The following ISM1 variants were observed in gnomAD, a reference collection of about 807,000 sequenced individuals.
The protein encoded by ISM1 is isthmin 1.
In ISM1, 25 loss-of-function variants were observed where a neutral mutation model predicts 46.3. The observed-to-expected ratio is 0.54, with a 90% CI of 0.39 to 0.75. The LOEUF (loss-of-function observed/expected upper bound fraction) is 0.75. ISM1 is among the 30% of genes least tolerant of loss of function. The pLI, the probability that ISM1 is intolerant of heterozygous loss-of-function variation, is 0.00. For synonymous variants in ISM1, 255 were observed against 256.7 expected (o/e 0.99, Z 0.06); for missense variants, 536 against 625.4 (o/e 0.86, Z 1.52).
chr20:13,280,012 G>A (rs1462356785), intron 3 of ISM1, 114 bp downstream of exon 3: 2 of 1,011,530 alleles, frequency 2.0e-6, no homozygotes, highest in Non-Finnish European at 2.8e-6. Flanking sequence ...GGTCTTCTGT[G>A]AGGCAAACCT....
chr20:13,255,905 T>C (rs1050339407), intron 1 of ISM1, among the ~76,000 whole-genome samples: 4 of 145,634 alleles, frequency 2.7e-5, no homozygotes, highest in African/African-American at 1.0e-4. Context: ...ATTCAGAGGA[T>C]ATTTAGTAAA....
intron 1 of ISM1, among the ~76,000 whole-genome samples, chr20:13,223,663 C>T (rs1374091938): frequency 6.6e-6 from 1 of 152,170 alleles, no homozygotes; most frequent in Non-Finnish European, 1.5e-5. Flanking sequence ...TGTGGGTTCT[C>T]TCACCTTCTC....
chr20:13,250,915 A>G (rs989193815), intron 1 of ISM1, among the ~76,000 whole-genome samples: 1 of 152,060 alleles, frequency 6.6e-6, no homozygotes, highest in Admixed American at 6.6e-5. Context: ...GCCCCCATCT[A>G]TTTTACCCTC....
At chr20:13,317,329 T>C in the ISM1 span, among the ~76,000 whole-genome samples, 3 of 151,974 alleles carry the variant, frequency 2.0e-5, no homozygotes, top group African/African-American at 7.2e-5. Flanking sequence ...ATACTCCATG[T>C]TAGGGAGGCT....
At chr20:13,223,498 A>C (rs2039476948) in intron 1 of ISM1, among the ~76,000 whole-genome samples, 1 of 152,242 alleles carries the variant, frequency 6.6e-6, no homozygotes, top group Non-Finnish European at 1.5e-5. Flanking sequence ...CAAAGTTCAG[A>C]CATTCCAAAC....
intron 5 of ISM1, among the ~76,000 whole-genome samples, chr20:13,295,746 A>G (rs1257508849): frequency 6.6e-6 from 1 of 152,208 alleles, no homozygotes; most frequent in Non-Finnish European, 1.5e-5. Context: ...GCTGACTGGG[A>G]ATCCCAGCAA....
At chr20:13,275,537 T>G (rs2040169327) in intron 2 of ISM1, among the ~76,000 whole-genome samples, 1 of 152,208 alleles carries the variant, frequency 6.6e-6, no homozygotes, top group African/African-American at 2.4e-5. Context: ...CACCATTTAG[T>G]CAGCCAGACT....
chr20:13,227,812 C>G (rs1214454687), intron 1 of ISM1, among the ~76,000 whole-genome samples: 1 of 151,656 alleles, frequency 6.6e-6, no homozygotes, highest in Non-Finnish European at 1.5e-5. Flanking sequence ...CCGGCCCCAA[C>G]TTTTTAATTT....
the ISM1 span, among the ~76,000 whole-genome samples, chr20:13,321,378 C>T: frequency 6.6e-6 from 1 of 151,284 alleles, no homozygotes; most frequent in African/African-American, 2.4e-5. Context: ...AAAATTCTTA[C>T]AGCTAGTGTG....
chr20:13,298,903 G>C, intron 5 of ISM1, 39 bp from the exon 6 acceptor site: 1 of 1,600,182 alleles, frequency 6.2e-7, no homozygotes, highest in South Asian at 1.1e-5. Flanking sequence ...TGGGCCGGTT[G>C]TACACGCGGT....
the ISM1 span, among the ~76,000 whole-genome samples, chr20:13,311,223 T>TAGATAGATAGATAGAC: frequency 9.0e-6 from 1 of 111,152 alleles, no homozygotes; most frequent in South Asian, 2.9e-4. Flanking sequence ...AGATGATAGA[T>TAGATAGATAGATAGAC]AGATAGATAG....
At chr20:13,225,144 C>G (rs571574905) in intron 1 of ISM1, among the ~76,000 whole-genome samples, 2 of 152,094 alleles carry the variant, frequency 1.3e-5, no homozygotes, top group South Asian at 4.2e-4. Flanking sequence ...TGAGCCACCG[C>G]GCCCGGCCCA....
At chr20:13,261,381 G>C (rs2039987552) in intron 1 of ISM1, among the ~76,000 whole-genome samples, 1 of 151,040 alleles carries the variant, frequency 6.6e-6, no homozygotes, top group Non-Finnish European at 1.5e-5. Context: ...TCGCGCCATT[G>C]CCCTTCAGCC....
chr20:13,303,212 G>A (rs1489027071), downstream of ISM1, among the ~76,000 whole-genome samples: 1 of 152,182 alleles, frequency 6.6e-6, no homozygotes, highest in Non-Finnish European at 1.5e-5. Flanking sequence ...TAAACCTAAC[G>A]CCTGTGCTCT....
At chr20:13,242,492 G>A (rs2039737911) in intron 1 of ISM1, among the ~76,000 whole-genome samples, 2 of 152,204 alleles carry the variant, frequency 1.3e-5, no homozygotes, top group Admixed American at 1.3e-4. Flanking sequence ...TGATTATCAT[G>A]GAGGAAAAGC....
At position 13,221,469 on chromosome 20, in the gene ISM1, C is replaced by T. The variant is rs1261871470; in HGVS notation, c.-308C>T. Among the ~76,000 whole-genome samples the T allele has an allele frequency of 1.4e-5, 2 of 145,550 alleles. No homozygotes were observed. Among genetic ancestry groups the T allele is most frequent in the African/African-American group, 2.5e-5 (1 of 40,318 alleles). ...TGTCCCGGGACCCAGTCTCCGTCTC[C>T]GCCGCCGCCGCCGCCAGGCAGCGCC... is the stretch of plus-strand genomic sequence containing the variant. On this transcript the variant is annotated 5_prime_UTR_variant, in exon 1 of 6. Transcript: ENST00000262487.
chr20:13,271,162 T>C (rs2040111107), intron 2 of ISM1, among the ~76,000 whole-genome samples: 1 of 152,256 alleles, frequency 6.6e-6, no homozygotes. Flanking sequence ...TTTTCAAATA[T>C]GAGTTCAAAG....
intron 1 of ISM1, among the ~76,000 whole-genome samples, chr20:13,258,744 G>T (rs571747919): frequency 1.9e-4 from 29 of 152,130 alleles, no homozygotes; most frequent in African/African-American, 6.7e-4. Context: ...AATTGTATCG[G>T]GGAAAAATGA....
intron 1 of ISM1, among the ~76,000 whole-genome samples, chr20:13,256,056 G>A (rs1304670430): frequency 2.6e-5 from 4 of 152,084 alleles, no homozygotes; most frequent in East Asian, 1.9e-4. Context: ...CTGGGAGTTC[G>A]AAACCCTGTG....
Sources: allele counts gnomAD v4.1 joint callset (sites outside exome capture counted in the v4.1 genomes callset), GRCh38; gene constraint gnomAD v4.1.1; transcripts MANE v1.5; gene names NCBI Gene and HGNC (gene_info 2026-07-23, HGNC 2026-07-21).